Variants in PPM1H observed in about 807,000 individuals in gnomAD.
PPM1H encodes protein phosphatase 1H.
PPM1H carries 27 observed loss-of-function variants against 54.9 expected under a neutral mutation model. The ratio of observed to expected loss-of-function variants is 0.49; its 90% CI spans 0.36 to 0.68. The LOEUF is 0.68. PPM1H is among the 30% of genes least tolerant of loss of function. The pLI is 0.00. For synonymous variants in PPM1H, 305 were observed against 270.8 expected, an observed-to-expected ratio of 1.13 and a Z score of -1.24; for missense variants, 596 against 667.8, an observed-to-expected ratio of 0.89 and a Z score of 1.19.
At chr12:62,720,477 C>T (rs2076257654) in intron 5 of PPM1H, among the ~76,000 whole-genome samples, 188 bp from the exon 6 acceptor site, 2 of 152,158 alleles carry the variant, frequency 1.3e-5, no homozygotes, top group African/African-American at 4.8e-5. Context: ...AATGAATTTA[C>T]AAAGGAATGT....
chr12:62,758,780 T>C (rs1022879769), intron 4 of PPM1H, among the ~76,000 whole-genome samples: 4 of 152,216 alleles, frequency 2.6e-5, no homozygotes, highest in Non-Finnish European at 5.9e-5. Context: ...GTGTCAGGCC[T>C]CTGAGCCCAA....
chr12:62,760,411 G>A (rs11611325), intron 4 of PPM1H, among the ~76,000 whole-genome samples: 64,867 of 151,568 alleles, frequency 0.43, 14,185 homozygotes, highest in Non-Finnish European at 0.47. Context: ...TCCTCCCCAG[G>A]CTGCTCCTCC....
intron 2 of PPM1H, among the ~76,000 whole-genome samples, chr12:62,828,347 C>A (rs890808320): frequency 7.9e-5 from 12 of 152,198 alleles, no homozygotes; most frequent in African/African-American, 2.9e-4. Flanking sequence ...CTGCTCCAAC[C>A]ACACAGACCT....
intron 4 of PPM1H, among the ~76,000 whole-genome samples, chr12:62,762,645 G>A (rs983524932): frequency 6.6e-6 from 1 of 152,220 alleles, no homozygotes; most frequent in Non-Finnish European, 1.5e-5. Context: ...TTTACAAGCA[G>A]TTGCAGCTCT....
At chr12:62,923,413 T>C (rs1871865903) in intron 1 of PPM1H, among the ~76,000 whole-genome samples, 1 of 152,212 alleles carries the variant, frequency 6.6e-6, no homozygotes, top group African/African-American at 2.4e-5. Context: ...TTGTTTTTTC[T>C]TTAACAAGAC....
chr12:62,694,066 G>A (rs1006429315), intron 6 of PPM1H, 67 bp from the exon 7 acceptor site: 7 of 1,365,178 alleles, frequency 5.1e-6, no homozygotes, highest in South Asian at 2.5e-5. Flanking sequence ...CCCTGACACC[G>A]ACTGCTAGGG....
chr12:62,875,756 G>T (rs1870146362), intron 1 of PPM1H, among the ~76,000 whole-genome samples: 4 of 152,160 alleles, frequency 2.6e-5, no homozygotes, highest in Non-Finnish European at 5.9e-5. Context: ...ATGGGTTCAT[G>T]TCACCTGGCA....
chr12:62,752,023 T>G (rs531459631), intron 4 of PPM1H, among the ~76,000 whole-genome samples: 1 of 152,292 alleles, frequency 6.6e-6, no homozygotes, highest in East Asian at 1.9e-4. Flanking sequence ...TCTCATTCGT[T>G]GAACATAACC....
At chr12:62,922,615 A>G (rs1369009419) in intron 1 of PPM1H, among the ~76,000 whole-genome samples, 1 of 152,246 alleles carries the variant, frequency 6.6e-6, no homozygotes, top group Non-Finnish European at 1.5e-5. Flanking sequence ...ACAGCTAGGC[A>G]GTTAAATTTT....
chr12:62,766,398 A>G (rs1485667556), intron 4 of PPM1H, among the ~76,000 whole-genome samples: 2 of 151,720 alleles, frequency 1.3e-5, no homozygotes, highest in Non-Finnish European at 2.9e-5. Flanking sequence ...TAAAACTAGA[A>G]AGATCACAGG....
intron 4 of PPM1H, among the ~76,000 whole-genome samples, chr12:62,751,905 A>G (rs961395322): frequency 6.6e-6 from 1 of 152,216 alleles, no homozygotes; most frequent in African/African-American, 2.4e-5. Flanking sequence ...GTTAGGTTAT[A>G]TGGGCTAGAT....
intron 4 of PPM1H, among the ~76,000 whole-genome samples, chr12:62,757,603 T>C (rs1295454449): frequency 6.6e-6 from 1 of 152,222 alleles, no homozygotes; most frequent in Non-Finnish European, 1.5e-5. Context: ...ATCATAGATC[T>C]ACTATTTTCA....
At chr12:62,866,833 C>T (rs1446039370) in intron 1 of PPM1H, among the ~76,000 whole-genome samples, 2 of 151,978 alleles carry the variant, frequency 1.3e-5, no homozygotes, top group African/African-American at 2.4e-5. Context: ...CACTGTTCCC[C>T]TTTCTCCATT....
chr12:62,901,630 A>C (rs1871165641), intron 1 of PPM1H, among the ~76,000 whole-genome samples: 1 of 152,254 alleles, frequency 6.6e-6, no homozygotes. Context: ...AGTTAAATTT[A>C]AGAAGCAGAG....
chr12:62,649,435 G>A (rs2075804394), intron 9 of PPM1H, among the ~76,000 whole-genome samples: 1 of 152,144 alleles, frequency 6.6e-6, no homozygotes, highest in Non-Finnish European at 1.5e-5. Context: ...AGACTAACTT[G>A]GGAAGTGATT....
At chr12:62,729,204 A>G (rs2076306766) in intron 5 of PPM1H, among the ~76,000 whole-genome samples, 1 of 152,220 alleles carries the variant, frequency 6.6e-6, no homozygotes, top group Admixed American at 6.5e-5. Context: ...CACAGGGACC[A>G]AGGAACAGAG....
chr12:62,833,463 A>T (rs1868411468), intron 1 of PPM1H, among the ~76,000 whole-genome samples: 1 of 152,208 alleles, frequency 6.6e-6, no homozygotes, highest in South Asian at 2.1e-4. Context: ...AACATCTTAT[A>T]TAAGACAGTA....
At chr12:62,801,498 G>T (rs1175048581) in intron 3 of PPM1H, among the ~76,000 whole-genome samples, 1 of 151,956 alleles carries the variant, frequency 6.6e-6, no homozygotes, top group African/African-American at 2.4e-5. Flanking sequence ...TTGTATTTTT[G>T]TAGAGACGGG....
At chr12:62,680,997 C>G (rs1421075990) in intron 8 of PPM1H, among the ~76,000 whole-genome samples, 1 of 152,134 alleles carries the variant, frequency 6.6e-6, no homozygotes, top group Non-Finnish European at 1.5e-5. Context: ...ACTAGGAAGA[C>G]CCTCCCGCTC....
Sources: allele counts gnomAD v4.1 joint callset (sites outside exome capture counted in the v4.1 genomes callset), GRCh38; gene constraint gnomAD v4.1.1; transcripts MANE v1.5; gene names NCBI Gene and HGNC (gene_info 2026-07-23, HGNC 2026-07-21).